Variants in SPIRE1 observed in about 807,000 individuals in gnomAD.
SPIRE1 encodes the protein spire type actin nucleation factor 1.
Under a neutral mutation model 94.1 loss-of-function variants are expected in SPIRE1, and 40 were observed. The observed-to-expected ratio is 0.43, with a 90% CI of 0.33 to 0.55. The LOEUF is 0.55. Among genes scored for constraint, SPIRE1 ranks in the 20% least tolerant of loss-of-function variants. SPIRE1 has a pLI of 0.06. For missense variants in SPIRE1, 838 were observed against 975.2 expected, an observed-to-expected ratio of 0.86 and a Z score of 1.87; for synonymous variants, 376 against 371.7, an observed-to-expected ratio of 1.01 and a Z score of -0.13.
chr18:12,529,680 C>A (rs937866382), intron 4 of SPIRE1, among the ~76,000 whole-genome samples: 17 of 152,098 alleles, frequency 1.1e-4, no homozygotes, highest in African/African-American at 4.1e-4. Context: ...TCTCAAAGAT[C>A]AAAATGTTTG....
chr18:12,454,319 T>C (rs757869292), intron 13 of SPIRE1, 27 bp downstream of exon 13: 2 of 1,613,510 alleles, frequency 1.2e-6, no homozygotes, highest in Admixed American at 1.7e-5. Flanking sequence ...TCTACTCTTC[T>C]GATCAATCAA....
chr18:12,449,188 GATC>G lies in SPIRE1; in HGVS notation c.*447_*449del. The G allele has an allele frequency of 1.9e-5, 3 of 159,616 alleles. No homozygotes were observed. The highest frequency in any genetic ancestry group is 1.9e-4 in the South Asian group (1 of 5,370). 9.9% of individuals were successfully genotyped at this position (159,616 alleles called of 1,614,324 possible). ...CCAGGTCGTGGAGTGTAGGGCTCTGGATCTCTCTGTACACGGGATAGAAACACA... is the reference window on the plus strand; with the variant it reads ...CCAGGTCGTGGAGTGTAGGGCTCTGGTCTCTGTACACGGGATAGAAACACA... On this transcript the variant is annotated 3_prime_UTR_variant, in exon 17 of 17. Transcript: ENST00000409402.
chr18:12,546,662 A>G lies in SPIRE1; in HGVS notation c.603+12T>C. On this transcript the variant is annotated intron_variant, in intron 3 of 16. Transcript: ENST00000409402. ...TTGAAAAAAACAAGTACTGCATAAAACGCTGCCTTACCTTCATGACATCTC... is the reference window on the plus strand; with the variant it reads ...TTGAAAAAAACAAGTACTGCATAAAGCGCTGCCTTACCTTCATGACATCTC... 6.3e-7 allele frequency: 1 copy of G among 1,593,286 alleles called. No homozygotes were observed. The highest frequency in any genetic ancestry group is 8.6e-7 in the Non-Finnish European group (1 of 1,161,480).
chr18:12,555,111 C>T (rs541670433), intron 2 of SPIRE1, among the ~76,000 whole-genome samples: 7 of 152,224 alleles, frequency 4.6e-5, no homozygotes, highest in South Asian at 2.1e-4. Context: ...TGTATATAAA[C>T]CCCTAATTTT....
At chr18:12,533,815 A>G (rs145260792) in intron 4 of SPIRE1, among the ~76,000 whole-genome samples, 5 of 152,250 alleles carry the variant, frequency 3.3e-5, no homozygotes, top group African/African-American at 1.2e-4. Flanking sequence ...CTTAAAAAGT[A>G]ATCTTTTCTA....
At chr18:12,543,461 T>C (rs2035066673) in intron 3 of SPIRE1, among the ~76,000 whole-genome samples, 1 of 152,214 alleles carries the variant, frequency 6.6e-6, no homozygotes, top group South Asian at 2.1e-4. Flanking sequence ...CTAGATTTAA[T>C]GTTAGAACTT....
chr18:12,454,195 A>C, intron 13 of SPIRE1, 151 bp downstream of exon 13: 1 of 875,236 alleles, frequency 1.1e-6, no homozygotes, highest in Non-Finnish European at 1.8e-6. Context: ...ACGAGACAGC[A>C]CATGTACTGT....
rs1482803259 is a variant in SPIRE1 at position 12,447,859 on chromosome 18, C to T, written c.*1779G>A. On this transcript the variant is annotated 3_prime_UTR_variant, in exon 17 of 17. Transcript: ENST00000409402. The stretch of plus-strand genomic sequence containing the variant: ...ATACCATTTCCTTCCCCCTTGTGCC[C>T]TTCTGGGTAGTCATTTTAAAAACTC... The T allele has an allele frequency of 1.3e-5, 2 of 152,120 alleles. No homozygotes were observed. The highest frequency in any genetic ancestry group is 4.8e-5 in the African/African-American group (2 of 41,418). 9.4% of individuals were successfully genotyped at this position (152,120 alleles called of 1,614,324 possible). A position where few individuals can be genotyped will look rare whatever the true frequency, so the allele number is the denominator to read the frequency against.
chr18:12,498,046 C>T (rs1567891573), intron 6 of SPIRE1, among the ~76,000 whole-genome samples: 2 of 152,182 alleles, frequency 1.3e-5, no homozygotes, highest in Admixed American at 6.5e-5. Context: ...AGGAAGCTCC[C>T]TTATCCAAAT....
intron 2 of SPIRE1, among the ~76,000 whole-genome samples, chr18:12,580,390 C>T (rs1417897404): frequency 6.6e-6 from 1 of 151,854 alleles, no homozygotes; most frequent in Non-Finnish European, 1.5e-5. Flanking sequence ...GTGGTGTGAT[C>T]TTGGCTCACT....
At chr18:12,524,433 T>C (rs2034444120) in intron 4 of SPIRE1, among the ~76,000 whole-genome samples, 1 of 152,172 alleles carries the variant, frequency 6.6e-6, no homozygotes, top group Non-Finnish European at 1.5e-5. Context: ...AAATCACAAA[T>C]TGGCAAAATA....
upstream of SPIRE1, among the ~76,000 whole-genome samples, chr18:12,660,286 T>G (rs7233175): frequency 0.24 from 35,985 of 151,678 alleles, 4,960 homozygotes; most frequent in Non-Finnish European, 0.32. Flanking sequence ...TTCTTCTTTT[T>G]TTAGTCATCC....
rs781426997 is a variant in SPIRE1 at position 12,535,478 on chromosome 18, C to T, written c.727G>A (p.Glu243Lys). Residue 243 changes from glutamate to lysine, a missense_variant and splice_region_variant, in exon 4 of 17, where the codon GAG (glutamate) becomes AAG (lysine). Transcript: ENST00000409402. ...AATATCAAAGCAGTAGTACTCACCT[C>T]TTTCGCACTCTTAATTTTGGTCAGA... ...TFLTKIKSAK[E>K]NLKKIQEMEK... 6.2e-7 allele frequency: 1 copy of T among 1,611,968 alleles called. No individual in the cohort carries two copies. Among genetic ancestry groups the T allele is most frequent in the East Asian group, 2.2e-5 (1 of 44,822 alleles).
chr18:12,634,271 A>AAAAAT (rs2037863508), intron 2 of SPIRE1, among the ~76,000 whole-genome samples: 1 of 147,766 alleles, frequency 6.8e-6, no homozygotes, highest in African/African-American at 2.5e-5. Flanking sequence ...AAAAAAAAAA[A>AAAAAT]AATAATAATA....
chr18:12,504,965 A>G (rs751995552), intron 6 of SPIRE1, among the ~76,000 whole-genome samples: 6 of 152,150 alleles, frequency 3.9e-5, no homozygotes, highest in Non-Finnish European at 8.8e-5. Context: ...GGTGGCTAAC[A>G]AGCAGAACCC....
intron 8 of SPIRE1, among the ~76,000 whole-genome samples, chr18:12,492,074 G>A (rs1272190964): frequency 1.3e-5 from 2 of 152,178 alleles, no homozygotes; most frequent in Non-Finnish European, 2.9e-5. Context: ...GCAGACAGCT[G>A]GACGTATGAG....
upstream of SPIRE1, chr18:12,661,424 T>C (rs570810810): frequency 9.0e-5 from 79 of 874,630 alleles, no homozygotes; most frequent in African/African-American, 1.1e-3. Flanking sequence ...AGTGGAGTTC[T>C]AGCACCCCTG....
intron 12 of SPIRE1, among the ~76,000 whole-genome samples, chr18:12,462,761 A>G (rs759706129): frequency 1.1e-4 from 16 of 152,154 alleles, no homozygotes; most frequent in Non-Finnish European, 2.1e-4. Context: ...AATTTTTAAC[A>G]ATTTTTAAAT....
At position 12,493,125 on chromosome 18, in the gene SPIRE1, G is replaced by C. The variant is rs543924604; in HGVS notation, c.1136C>G (p.Ala379Gly). The change falls in exon 8 of 17, where the codon GCA (alanine) becomes GGA (glycine). Residue 379 changes from alanine to glycine, a missense_variant. Around this residue, in one of 2 missense-constraint regions of SPIRE1, gnomAD observed 645 missense variants for 804.7 expected, o/e 0.80. Transcript: ENST00000409402. ...TGATACAGGCCGCAGCTTTCTTTCTGCTTTAATTTCTTCTAATATTCTTTC... is the reference window on the plus strand; with the variant it reads ...TGATACAGGCCGCAGCTTTCTTTCTCCTTTAATTTCTTCTAATATTCTTTC... Reference protein sequence around the residue: ...LHERILEEIKAERKLRPVSPE... With the variant: ...LHERILEEIKGERKLRPVSPE... 1 of 1,613,708 alleles carries C rather than the reference G, an allele frequency of 6.2e-7. No homozygotes were observed. The highest frequency in any genetic ancestry group is 1.3e-5 in the African/African-American group (1 of 75,030).
Sources: gnomAD v4.1 joint callset for allele counts (sites outside exome capture counted in the v4.1 genomes callset) on GRCh38, gnomAD v4.1.1 for gene constraint, gnomAD v4.1.1 regional missense constraint, MANE v1.5 for transcripts, NCBI Gene and HGNC (gene_info 2026-07-23, HGNC 2026-07-21) for gene names.